The following ENOX1 variants were observed in gnomAD, a reference collection of about 807,000 sequenced individuals.
The protein encoded by ENOX1 is ecto-NOX disulfide-thiol exchanger 1.
A neutral mutation model predicts 82.5 loss-of-function variants in ENOX1; 42 were observed. That is an observed-to-expected ratio of 0.51 (90% CI 0.40 to 0.66). The LOEUF is 0.66. ENOX1 is among the 30% of genes least tolerant of loss of function. The pLI is 0.00. For missense variants in ENOX1, 608 were observed against 811.6 expected (o/e 0.75, Z 3.05); for synonymous variants, 271 against 282.2 (o/e 0.96, Z 0.40).
chr13:43,344,693 T>TC lies in ENOX1; in HGVS notation c.880dup (p.Glu294GlyfsTer27). 6.8e-6 allele frequency: 11 copies of TC among 1,614,162 alleles called. No individual in the cohort carries two copies. Among genetic ancestry groups the TC allele is most frequent in the Non-Finnish European group, 9.3e-6 (11 of 1,180,028 alleles). ...CTGGTTTGCAGAGCGCCGATTCACT[T>TC]CCCCTCGTTCAATCCAGGAAAGCAG... On this transcript the variant is annotated frameshift_variant, in exon 9 of 17. Transcript: ENST00000690772. LOFTEE classifies it high-confidence loss of function.
At chr13:43,386,277 C>T (rs1213635588) in intron 5 of ENOX1, among the ~76,000 whole-genome samples, 2 of 152,170 alleles carry the variant, frequency 1.3e-5, no homozygotes, top group Non-Finnish European at 2.9e-5. Flanking sequence ...TGTTACACAT[C>T]CCTCTGTGTC....
chr13:43,350,664 C>T lies in ENOX1; in HGVS notation c.823+5255G>A, dbSNP rs1033389591. The stretch of plus-strand genomic sequence containing the variant: ...TTCTCCATGTTGGTCAGGCTGGTCT[C>T]GAACTCCTGACCTCAGGTGATCCAC... On this transcript the variant is annotated intron_variant, in intron 8 of 16. Transcript: ENST00000690772. Among the ~76,000 whole-genome samples, 11 of 152,220 alleles carry T rather than the reference C, an allele frequency of 7.2e-5. No homozygotes were observed. The East Asian group carries it at 2.1e-3, about 29-fold the overall frequency.
At chr13:43,267,982 A>G (rs2044479901) in intron 13 of ENOX1, among the ~76,000 whole-genome samples, 2 of 152,124 alleles carry the variant, frequency 1.3e-5, no homozygotes, top group Non-Finnish European at 2.9e-5. Flanking sequence ...GTGAAGTGTG[A>G]TGTTTCACCC....
At chr13:43,492,326 T>C (rs1373896794) in intron 2 of ENOX1, among the ~76,000 whole-genome samples, 1 of 152,162 alleles carries the variant, frequency 6.6e-6, no homozygotes, top group African/African-American at 2.4e-5. Context: ...GACTGAAGCC[T>C]TGTGAGAGAC....
At chr13:43,521,191 T>A (rs1322414875) in intron 2 of ENOX1, among the ~76,000 whole-genome samples, 2 of 152,098 alleles carry the variant, frequency 1.3e-5, no homozygotes, top group Non-Finnish European at 2.9e-5. Context: ...AGAAACAGGT[T>A]TTTTTCTATA....
intron 1 of ENOX1, among the ~76,000 whole-genome samples, chr13:43,707,752 A>AC (rs1351318737): frequency 1.0e-4 from 15 of 147,882 alleles, no homozygotes; most frequent in African/African-American, 3.8e-4. Flanking sequence ...AAAAAAAAAA[A>AC]AAAACCAAGA....
rs1001089110 is a variant in ENOX1, at chr13:43,374,030, G to A, written c.209-12578C>T. The stretch of plus-strand genomic sequence containing the variant: ...TCTGGAAAGGTCAAGATCAAAAGCA[G>A]AGACTATCCCCCAGATTTTTCATTT... On this transcript the variant is annotated intron_variant, in intron 5 of 16. Transcript: ENST00000690772. Among the ~76,000 whole-genome samples the A allele has an allele frequency of 2.6e-5, 4 of 151,944 alleles. No homozygotes were observed. In the East Asian group the frequency reaches 5.8e-4, roughly 22 times the overall value.
At chr13:43,257,800 G>C (rs1216921750) in intron 14 of ENOX1, among the ~76,000 whole-genome samples, 6 of 152,108 alleles carry the variant, frequency 3.9e-5, no homozygotes, top group African/African-American at 1.4e-4. Flanking sequence ...CCTTTCTGGG[G>C]GAGGACATTC....
rs58120566 is a variant in ENOX1, at chr13:43,593,669, TACACACACACACACACACAC to T, written c.-219+73790_-219+73809del. On this transcript the variant is annotated intron_variant, in intron 2 of 16. Transcript: ENST00000690772. ...CCCCCACCCTGCCACCCAATCTCTG[TACACACACACACACACACAC>T]ACACACACACACACACACACACACA... 4.3e-4 allele frequency among the ~76,000 whole-genome samples: 30 copies of T among 69,248 alleles called. 2 individuals carry two copies. Among genetic ancestry groups the T allele is most frequent in the South Asian group, 1.6e-3 (3 of 1,902 alleles). 45.4% of individuals were successfully genotyped at this position (69,248 alleles called of 152,430 possible). A position where few individuals can be genotyped will look rare whatever the true frequency, so the allele number is the denominator to read the frequency against.
At chr13:43,257,616 A>G (rs1364211986) in intron 14 of ENOX1, among the ~76,000 whole-genome samples, 1 of 152,212 alleles carries the variant, frequency 6.6e-6, no homozygotes, top group Non-Finnish European at 1.5e-5. Flanking sequence ...GAGATGGCAA[A>G]TGGTTATCTT....
At chr13:43,229,277 T>A (rs1281651554) in intron 15 of ENOX1, among the ~76,000 whole-genome samples, 2 of 152,208 alleles carry the variant, frequency 1.3e-5, no homozygotes, top group Non-Finnish European at 2.9e-5. Context: ...TATGTCTTTA[T>A]CAGCAGCATG....
At position 43,601,103 on chromosome 13, in the gene ENOX1, C is replaced by G. The variant is rs546927411; in HGVS notation, c.-219+66376G>C. Among the ~76,000 whole-genome samples, 64 of 152,152 alleles carry G rather than the reference C, an allele frequency of 4.2e-4. 1 individual carries two copies. The highest frequency in any genetic ancestry group is 5.3e-4 in the Non-Finnish European group (36 of 68,004). On this transcript the variant is annotated intron_variant, in intron 2 of 16. Coordinates refer to ENST00000690772, the MANE Select transcript of ENOX1 (RefSeq NM_001347969.2). ...CAGACTATGAGGACTACAATAAACACCTAACTCTTCAATGACAAGACTGGA... is the reference window on the plus strand; with the variant it reads ...CAGACTATGAGGACTACAATAAACAGCTAACTCTTCAATGACAAGACTGGA...
In ENOX1 at chr13:43,428,988, G is replaced by A. The variant is rs115095014; in HGVS notation, c.-74-16000C>T. 2.9e-3 allele frequency among the ~76,000 whole-genome samples: 446 copies of A among 152,268 alleles called. 1 individual carries two copies. Among genetic ancestry groups the A allele is most frequent in the Admixed American group, 3.7e-3 (56 of 15,276 alleles). On this transcript the variant is annotated intron_variant, in intron 3 of 16. Transcript: ENST00000690772. ...GATTAGAATCATCACCCATTGTGGC[G>A]GCTATTTTTTCATTCTCAGTAGAGA...
chr13:43,486,992 A>G (rs1018198937), intron 2 of ENOX1, among the ~76,000 whole-genome samples: 1 of 152,050 alleles, frequency 6.6e-6, no homozygotes, highest in Non-Finnish European at 1.5e-5. Context: ...GGCCAACATG[A>G]TGAAACCCCG....
chr13:43,358,109 T>C (rs937688426), intron 7 of ENOX1, among the ~76,000 whole-genome samples: 4 of 152,284 alleles, frequency 2.6e-5, no homozygotes, highest in African/African-American at 9.6e-5. Context: ...TGGAAAATCA[T>C]AGGATCAAGG....
At chr13:43,758,472 GA>G in intron 1 of ENOX1, among the ~76,000 whole-genome samples, 1 of 10,390 alleles carries the variant, frequency 9.6e-5, no homozygotes. Context: ...ACAGACAGAG[GA>G]GGGACAAGAA....
intron 14 of ENOX1, among the ~76,000 whole-genome samples, 182 bp from the exon 15 acceptor site, chr13:43,236,920 AG>A (rs1221196536): frequency 6.6e-6 from 1 of 152,270 alleles, no homozygotes; most frequent in African/African-American, 2.4e-5. Context: ...ATGTAAAGTT[AG>A]GCTCCTAGGT....
intron 2 of ENOX1, among the ~76,000 whole-genome samples, chr13:43,616,829 C>G (rs1436830928): frequency 6.6e-6 from 1 of 152,028 alleles, no homozygotes; most frequent in African/African-American, 2.4e-5. Context: ...AAATGTTCCT[C>G]AGGAATTTTT....
intron 5 of ENOX1, among the ~76,000 whole-genome samples, chr13:43,399,265 T>G (rs2053348444): frequency 6.6e-6 from 1 of 152,178 alleles, no homozygotes; most frequent in Non-Finnish European, 1.5e-5. Context: ...AAAACTTATA[T>G]GTAAGTTTTT....
Sources: allele counts gnomAD v4.1 joint callset (sites outside exome capture counted in the v4.1 genomes callset), GRCh38; gene constraint gnomAD v4.1.1; transcripts MANE v1.5; gene names NCBI Gene and HGNC (gene_info 2026-07-23, HGNC 2026-07-21).